The following FBXO9 variants were observed in gnomAD, a reference collection of about 807,000 sequenced individuals.
FBXO9 encodes the protein F-box only protein 9.
A neutral mutation model predicts 63.7 loss-of-function variants in FBXO9; 43 were observed. The ratio of observed to expected loss-of-function variants is 0.67; its 90% CI spans 0.53 to 0.87. The LOEUF is 0.87. FBXO9 is among the 40% of genes least tolerant of loss of function. FBXO9 has a pLI of 0.00. For synonymous variants in FBXO9, 156 were observed against 171.7 expected (o/e 0.91, Z 0.72); for missense variants, 442 against 533.2 (o/e 0.83, Z 1.68).
At position 53,095,350 on chromosome 6, in the gene FBXO9, T is replaced by C. The variant is rs570017866; in HGVS notation, c.1054-163T>C. Among the ~76,000 whole-genome samples, 6 of 152,314 alleles carry C rather than the reference T, an allele frequency of 3.9e-5. 1 individual carries two copies. In the South Asian group the frequency reaches 1.2e-3, roughly 32 times the overall value. ...AAAAAAATCTGATATTTTTAGAGTA[T>C]TTAACAGTTTTTAAAGCACTCATAC... On this transcript the variant is annotated intron_variant, in intron 11 of 12. Coordinates refer to ENST00000323557, the MANE Select transcript of FBXO9 (RefSeq NM_033480.3).
Position 53,079,032 on chromosome 6 carries a change from T to C in FBXO9, c.407+134T>C, listed in dbSNP as rs535117268. On this transcript the variant is annotated intron_variant, in intron 5 of 12. Transcript: ENST00000323557. Reference sequence around the variant, plus strand: ...TAGTATATCTTTGTTTATAAAGTTGTAGAAATTTTTTAATTAGGGAAATTG... The same window carrying C: ...TAGTATATCTTTGTTTATAAAGTTGCAGAAATTTTTTAATTAGGGAAATTG... 24 of 444,298 alleles carry C rather than the reference T, an allele frequency of 5.4e-5. No individual in the cohort carries two copies. In the East Asian group the frequency reaches 8.4e-4, roughly 16 times the overall value. The allele number at this position is 444,298 out of a possible 1,614,324, so 27.5% of individuals were successfully genotyped here.
In FBXO9 at chr6:53,081,243, A is replaced by G. The variant is rs548888430; in HGVS notation, c.538+145A>G. ...ATCTAGTTATAATTATCATTTGCAT[A>G]TACTATTAAGCTGTTTTGTGTTTTG... On this transcript the variant is annotated intron_variant, in intron 6 of 12. Coordinates refer to ENST00000323557, the MANE Select transcript of FBXO9 (RefSeq NM_033480.3). The G allele has an allele frequency of 4.5e-5, 37 of 820,600 alleles. No homozygotes were observed. In the South Asian group the frequency reaches 6.1e-4, roughly 14 times the overall value. 50.8% of individuals were successfully genotyped at this position (820,600 alleles called of 1,614,324 possible).
chr6:53,066,098 C>T, intron 1 of FBXO9: 1 of 1,186,780 alleles, frequency 8.4e-7, no homozygotes, highest in Non-Finnish European at 1.0e-6. Context: ...GTATATTGAA[C>T]CAGTCTCGGT....
At chr6:53,090,042 A>G (rs1763001625) in intron 7 of FBXO9, among the ~76,000 whole-genome samples, 1 of 152,244 alleles carries the variant, frequency 6.6e-6, no homozygotes, top group Non-Finnish European at 1.5e-5. Flanking sequence ...AGGTAAAGGC[A>G]GGCAGGTTTT....
intron 7 of FBXO9, among the ~76,000 whole-genome samples, chr6:53,090,633 T>C (rs1310030206): frequency 6.6e-6 from 1 of 152,218 alleles, no homozygotes. Context: ...AGGGGACTTA[T>C]CTTTTTCAAT....
intron 7 of FBXO9, among the ~76,000 whole-genome samples, chr6:53,086,488 A>C (rs1762891675): frequency 6.6e-6 from 1 of 152,190 alleles, no homozygotes; most frequent in South Asian, 2.1e-4. Flanking sequence ...TACCTTTTAT[A>C]GGGTATTTGC....
At position 53,097,847 on chromosome 6, in the gene FBXO9, C is replaced by G; in HGVS notation, c.*17C>G. The G allele has an allele frequency of 6.6e-7, 1 of 1,513,272 alleles. No individual in the cohort carries two copies. Among genetic ancestry groups the G allele is most frequent in the Non-Finnish European group, 9.0e-7 (1 of 1,107,594 alleles). The allele number at this position is 1,513,272 out of a possible 1,614,324, so 93.7% of individuals were successfully genotyped here. The stretch of plus-strand genomic sequence containing the variant: ...CCTCTGTAGAGCCTCAAGTCCAGTC[C>G]TCTATCACTTTTGCATGAATTAAAG... On this transcript the variant is annotated 3_prime_UTR_variant, in exon 13 of 13. Coordinates refer to ENST00000323557, the MANE Select transcript of FBXO9 (RefSeq NM_033480.3).
At chr6:53,079,889 C>T (rs1486791415) in intron 5 of FBXO9, among the ~76,000 whole-genome samples, 1 of 151,960 alleles carries the variant, frequency 6.6e-6, no homozygotes, top group Admixed American at 6.6e-5. Context: ...ATATTAATAG[C>T]CTGTTTAAAT....
At chr6:53,096,617 A>T (rs759365259) in intron 12 of FBXO9, among the ~76,000 whole-genome samples, 5 of 152,162 alleles carry the variant, frequency 3.3e-5, no homozygotes, top group Non-Finnish European at 7.3e-5. Flanking sequence ...TCAAAGAAAG[A>T]AACCTGAGCA....
chr6:53,075,736 TA>T lies in FBXO9; in HGVS notation c.250-749del, dbSNP rs1478539413. On this transcript the variant is annotated intron_variant, in intron 3 of 12. Transcript: ENST00000323557. ...ATTGGATTACATATATATATATAAT[TA>T]TTTTTTTTTTTTTTTTTTTTTTTGA... is the stretch of plus-strand genomic sequence containing the variant. Among the ~76,000 whole-genome samples the T allele has an allele frequency of 7.4e-3, 720 of 96,888 alleles. 168 individuals carry two copies. Among genetic ancestry groups the T allele is most frequent in the African/African-American group, 0.029 (661 of 22,588 alleles). The allele number at this position is 96,888 out of a possible 152,430, so 63.6% of individuals were successfully genotyped here. A position where few individuals can be genotyped will look rare whatever the true frequency, so the allele number is the denominator to read the frequency against.
chr6:53,074,743 C>T lies in FBXO9; in HGVS notation c.249+1104C>T, dbSNP rs571555402. Among the ~76,000 whole-genome samples, 6 of 152,284 alleles carry T rather than the reference C, an allele frequency of 3.9e-5. No individual in the cohort carries two copies. The South Asian group carries it at 1.2e-3, about 32-fold the overall frequency. On this transcript the variant is annotated intron_variant, in intron 3 of 12. Transcript: ENST00000323557. ...AACCTTTTGAGATTGGCTTTTTTCA[C>T]TAAGTATAATTCCCTCAAGATCAGT... is the stretch of plus-strand genomic sequence containing the variant.
chr6:53,077,389 C>T (rs1374477718), intron 4 of FBXO9, among the ~76,000 whole-genome samples: 1 of 133,434 alleles, frequency 7.5e-6, no homozygotes, highest in Non-Finnish European at 1.6e-5. Flanking sequence ...AGGAGAATGG[C>T]GTGAACCCGG....
intron 3 of FBXO9, 46 bp downstream of exon 3, chr6:53,073,685 G>A: frequency 7.2e-7 from 1 of 1,383,858 alleles, no homozygotes; most frequent in African/African-American, 1.5e-5. Context: ...TTTTTTTTTG[G>A]CACATGGAAA....
At position 53,086,537 on chromosome 6, in the gene FBXO9, T is replaced by A. The variant is rs189824405; in HGVS notation, c.653+3919T>A. ...AAACCTGTTTAGATAACTTGTAAGT[T>A]AAACCTGATTAAAAGGGTACTTGAA... On this transcript the variant is annotated intron_variant, in intron 7 of 12. Coordinates refer to ENST00000323557, the MANE Select transcript of FBXO9 (RefSeq NM_033480.3). Among the ~76,000 whole-genome samples the A allele has an allele frequency of 4.0e-3, 615 of 152,348 alleles. 2 individuals carry two copies. Among genetic ancestry groups the A allele is most frequent in the African/African-American group, 0.014 (566 of 41,594 alleles).
chr6:53,097,110 GTC>G (rs1204777023), intron 12 of FBXO9, among the ~76,000 whole-genome samples: 2 of 151,952 alleles, frequency 1.3e-5, no homozygotes, highest in Non-Finnish European at 2.9e-5. Flanking sequence ...GCTTTCGTTT[GTC>G]TCTCTCAGTG....
At chr6:53,072,042 C>T (rs1304708015) in intron 2 of FBXO9, among the ~76,000 whole-genome samples, 1 of 152,012 alleles carries the variant, frequency 6.6e-6, no homozygotes, top group Non-Finnish European at 1.5e-5. Flanking sequence ...AAGTGTGTCT[C>T]ACTGCACTTG....
intron 2 of FBXO9, 44 bp from the exon 3 acceptor site, chr6:53,073,437 G>C: frequency 1.3e-6 from 2 of 1,576,532 alleles, no homozygotes; most frequent in Non-Finnish European, 1.7e-6. Context: ...CCAGAGTTGA[G>C]CTACCCTTCC....
chr6:53,080,967 G>T lies in FBXO9; in HGVS notation c.408-1G>T. On this transcript the variant is annotated splice_acceptor_variant, in intron 5 of 12. Coordinates refer to ENST00000323557, the MANE Select transcript of FBXO9 (RefSeq NM_033480.3). LOFTEE classifies it high-confidence loss of function. ...TAATTTATTCACCTCCCTTTTTTCAGCATTGAAGATAATGATGATGACAGC... is the reference window on the plus strand; with the variant it reads ...TAATTTATTCACCTCCCTTTTTTCATCATTGAAGATAATGATGATGACAGC... The T allele has an allele frequency of 6.2e-7, 1 of 1,612,318 alleles. No individual in the cohort carries two copies. Among genetic ancestry groups the T allele is most frequent in the Non-Finnish European group, 8.5e-7 (1 of 1,179,470 alleles).
intron 7 of FBXO9, among the ~76,000 whole-genome samples, chr6:53,087,852 T>A (rs1301871575): frequency 6.6e-6 from 1 of 152,230 alleles, no homozygotes. Context: ...ATTAGTGTAT[T>A]TCTTATAGCA....
Sources: allele counts gnomAD v4.1 joint callset (sites outside exome capture counted in the v4.1 genomes callset), GRCh38; gene constraint gnomAD v4.1.1; transcripts MANE v1.5; gene names NCBI Gene and HGNC (gene_info 2026-07-23, HGNC 2026-07-21).